The following MAMDC2 variants were observed in gnomAD, a reference collection of about 807,000 sequenced individuals.
MAMDC2 encodes MAM domain containing 2, also known as MAM domain-containing protein 2.
MAMDC2 carries 57 observed loss-of-function variants against 89.8 expected under a neutral mutation model. The ratio of observed to expected loss-of-function variants is 0.63; its 90% confidence interval spans 0.51 to 0.79. The LOEUF is 0.79. Ranked by LOEUF, MAMDC2 falls within the 30% of genes least tolerant of loss-of-function variation. MAMDC2 has a pLI of 0.00. For synonymous variants in MAMDC2, 313 were observed against 293.4 expected, an observed-to-expected ratio of 1.07 and a Z score of -0.68; for missense variants, 800 against 820.6, an observed-to-expected ratio of 0.97 and a Z score of 0.31.
intron 9 of MAMDC2, among the ~76,000 whole-genome samples, chr9:70,144,739 G>C (rs1282422229): frequency 6.6e-6 from 1 of 152,218 alleles, no homozygotes; most frequent in African/African-American, 2.4e-5. Context: ...GTCACCCAAA[G>C]TGCAGGCTCC....
chr9:70,103,321 A>G (rs1423257695), intron 2 of MAMDC2, among the ~76,000 whole-genome samples: 1 of 152,184 alleles, frequency 6.6e-6, no homozygotes, highest in Non-Finnish European at 1.5e-5. Context: ...GAGGTCTCAT[A>G]CTTCCCAATT....
In MAMDC2 at chr9:70,044,298, CG is replaced by C. The variant is rs368267326; in HGVS notation, c.34+72del. Reference sequence around the variant, plus strand: ...GACTCGCCCCCGCTCCTGCTGCCCCCGGGGGTCCGGCTCACCGTGCTGGGCT... The same window carrying C: ...GACTCGCCCCCGCTCCTGCTGCCCCCGGGGTCCGGCTCACCGTGCTGGGCT... On this transcript the variant is annotated intron_variant, in intron 1 of 13. Coordinates refer to ENST00000377182, the MANE Select transcript of MAMDC2 (RefSeq NM_153267.5). The C allele has an allele frequency of 2.9e-4, 447 of 1,546,514 alleles. 4 individuals are homozygous for C. The East Asian group carries it at 7.3e-3, about 25-fold the overall frequency.
rs530650674 is a variant in MAMDC2 at position 70,210,083 on chromosome 9, A to G, written c.1652-8254A>G. 3.1e-3 allele frequency among the ~76,000 whole-genome samples: 468 copies of G among 152,280 alleles called. 2 individuals are homozygous for G. Among genetic ancestry groups the G allele is most frequent in the Middle Eastern group, 0.017 (5 of 294 alleles). ...TGTGGTCAATTTTGGAATAAGTGCA[A>G]TGTGGTGCTGAGAAGAATGTATATT... On this transcript the variant is annotated intron_variant, in intron 11 of 13. Coordinates refer to ENST00000377182, the MANE Select transcript of MAMDC2 (RefSeq NM_153267.5).
At chr9:70,079,486 A>G (rs1234456948) in intron 2 of MAMDC2, 1 of 152,124 alleles carries the variant, frequency 6.6e-6, no homozygotes, top group Non-Finnish European at 1.5e-5. Context: ...GTCAGATCTT[A>G]TTGTTTTGTT....
chr9:70,121,151 T>C (rs113290994), intron 5 of MAMDC2, among the ~76,000 whole-genome samples: 21 of 152,238 alleles, frequency 1.4e-4, no homozygotes, highest in African/African-American at 4.8e-4. Context: ...TGAGCCAGAC[T>C]GCTTGAAAAT....
At chr9:70,210,823 T>C (rs1433129995) in intron 11 of MAMDC2, among the ~76,000 whole-genome samples, 1 of 152,150 alleles carries the variant, frequency 6.6e-6, no homozygotes, top group African/African-American at 2.4e-5. Context: ...AAGACAGGCC[T>C]GGTAGTGACA....
chr9:70,143,673 G>A lies in MAMDC2; in HGVS notation c.1258G>A (p.Gly420Arg), dbSNP rs1346978813. The A allele has an allele frequency of 7.4e-6, 12 of 1,614,034 alleles. No homozygotes were observed. The highest frequency in any genetic ancestry group is 1.0e-5 in the Non-Finnish European group (12 of 1,180,032). The change falls in exon 9 of 14, where the codon GGA becomes AGA. Residue 420 changes from glycine to arginine, a missense_variant. Transcript: ENST00000377182. The part of the protein sequence containing the change: ...YCLRFHYAIY[G>R]FLKMSDTLAV... Reference sequence around the variant, plus strand: ...TCTGCGTTTTCATTATGCCATCTATGGATTTTTAAAAATGAGTGACACCCT... The same window carrying A: ...TCTGCGTTTTCATTATGCCATCTATAGATTTTTAAAAATGAGTGACACCCT...
intron 11 of MAMDC2, among the ~76,000 whole-genome samples, chr9:70,182,649 GT>G (rs1267778367): frequency 6.6e-6 from 1 of 152,140 alleles, no homozygotes; most frequent in African/African-American, 2.4e-5. Context: ...TCATAGAGGT[GT>G]TTATAGTATT....
At chr9:70,136,804 A>T (rs990403007) in intron 7 of MAMDC2, among the ~76,000 whole-genome samples, 1 of 152,150 alleles carries the variant, frequency 6.6e-6, no homozygotes, top group African/African-American at 2.4e-5. Flanking sequence ...AGGGGTGACT[A>T]ATACTGAATA....
intron 2 of MAMDC2, among the ~76,000 whole-genome samples, chr9:70,065,816 G>A (rs1025659611): frequency 6.6e-6 from 1 of 152,070 alleles, no homozygotes; most frequent in African/African-American, 2.4e-5. Context: ...ACATTGCATA[G>A]CCCTAATGAA....
intron 9 of MAMDC2, among the ~76,000 whole-genome samples, chr9:70,165,256 T>C (rs889883136): frequency 2.6e-5 from 4 of 152,168 alleles, no homozygotes; most frequent in African/African-American, 9.7e-5. Flanking sequence ...GGCCCACTCA[T>C]CCGCTTGCCC....
At chr9:70,160,697 A>G (rs911938071) in intron 9 of MAMDC2, among the ~76,000 whole-genome samples, 57 of 152,208 alleles carry the variant, frequency 3.7e-4, no homozygotes, top group African/African-American at 1.3e-3. Context: ...TAAGGGTGAG[A>G]AGGACGTGGC....
At chr9:70,124,077 C>A (rs1233711292) in intron 5 of MAMDC2, among the ~76,000 whole-genome samples, 4 of 152,186 alleles carry the variant, frequency 2.6e-5, no homozygotes, top group Non-Finnish European at 5.9e-5. Context: ...GGAAAGCCTG[C>A]AGCATGGGGC....
At chr9:70,108,150 C>T (rs1321856181) in intron 2 of MAMDC2, 61 bp from the exon 3 acceptor site, 25 of 1,426,198 alleles carry the variant, frequency 1.8e-5, no homozygotes, top group African/African-American at 7.2e-5. Context: ...ACTGCAGTTA[C>T]GTATTTTTCC....
At chr9:70,100,399 AG>A (rs1476392887) in intron 2 of MAMDC2, among the ~76,000 whole-genome samples, 2 of 152,232 alleles carry the variant, frequency 1.3e-5, no homozygotes, top group African/African-American at 4.8e-5. Context: ...GACCTGATCC[AG>A]GGAGGCAGAC....
intron 2 of MAMDC2, among the ~76,000 whole-genome samples, chr9:70,045,529 T>TA (rs1299407722): frequency 5.9e-5 from 9 of 152,046 alleles, no homozygotes; most frequent in Non-Finnish European, 1.2e-4. Flanking sequence ...TAGCCTTCTT[T>TA]AAAAAACATG....
rs766558409 is a variant in MAMDC2 at position 70,170,625 on chromosome 9, G to A, written c.1645G>A (p.Gly549Arg). 2.5e-6 allele frequency: 4 copies of A among 1,594,026 alleles called. No homozygotes were observed. The highest frequency in any genetic ancestry group is 1.4e-5 in the African/African-American group (1 of 73,824). ...YTGPKGDHTT[G>R]VGYYMYIEAS... Reference sequence around the variant, plus strand: ...AGGACCAAAGGGAGATCACACTACTGGGGTAGGTGAGTTATGCCACGTGGT... The same window carrying A: ...AGGACCAAAGGGAGATCACACTACTAGGGTAGGTGAGTTATGCCACGTGGT... Residue 549 changes from glycine (G) to arginine (R), a missense_variant, in exon 11 of 14, where the codon GGG (glycine) becomes AGG (arginine). Coordinates refer to ENST00000377182, the MANE Select transcript of MAMDC2 (RefSeq NM_153267.5).
At chr9:70,147,040 G>A (rs1463602983) in intron 9 of MAMDC2, among the ~76,000 whole-genome samples, 1 of 149,676 alleles carries the variant, frequency 6.7e-6, no homozygotes, top group East Asian at 2.0e-4. Context: ...CATATCACCT[G>A]TGGTCAGGAG....
intron 4 of MAMDC2, among the ~76,000 whole-genome samples, chr9:70,111,160 G>T (rs574105956): frequency 6.6e-6 from 1 of 152,278 alleles, no homozygotes; most frequent in Admixed American, 6.5e-5. Flanking sequence ...AGACACCTCT[G>T]GTGGAGCGCC....
Sources: allele counts gnomAD v4.1 joint callset (sites outside exome capture counted in the v4.1 genomes callset), GRCh38; gene constraint gnomAD v4.1.1; transcripts MANE v1.5; gene names NCBI Gene and HGNC (gene_info 2026-07-23, HGNC 2026-07-21).